The following ZFHX3 variants were observed in gnomAD, a reference collection of about 807,000 sequenced individuals.
ZFHX3 encodes zinc finger homeobox 3.
Under a neutral mutation model 279.1 loss-of-function variants are expected in ZFHX3, and 42 were observed. That is an observed-to-expected ratio of 0.15 (90% CI 0.12 to 0.19). The LOEUF is 0.19. Ranked by LOEUF, ZFHX3 falls within the 10% of genes least tolerant of loss-of-function variation. The pLI, the probability that ZFHX3 is intolerant of heterozygous loss-of-function variation, is 1.00. For missense variants in ZFHX3, 4,981 were observed against 4,754.0 expected (o/e 1.05, Z -1.40); for synonymous variants, 2,293 against 1,957.8 (o/e 1.17, Z -4.52).
chr16:73,381,927 T>C (rs1024653833), intron 3 of ZFHX3, among the ~76,000 whole-genome samples: 1 of 152,232 alleles, frequency 6.6e-6, no homozygotes, highest in Non-Finnish European at 1.5e-5. Context: ...GTCTAAAATA[T>C]TATGGTCTCT....
chr16:73,108,982 G>C (rs1049690286), intron 7 of ZFHX3, among the ~76,000 whole-genome samples: 7 of 126,324 alleles, frequency 5.5e-5, no homozygotes, highest in Non-Finnish European at 1.2e-4. Flanking sequence ...CGGCTAACAA[G>C]CTGATAGGCA....
chr16:73,432,345 A>C (rs926323455), intron 3 of ZFHX3, among the ~76,000 whole-genome samples: 4 of 152,164 alleles, frequency 2.6e-5, no homozygotes, highest in African/African-American at 9.7e-5. Context: ...TGGAGTTAGC[A>C]TATAACTCCA....
At chr16:73,888,449 A>G (rs923240065) in intron 1 of ZFHX3, among the ~76,000 whole-genome samples, 3 of 152,238 alleles carry the variant, frequency 2.0e-5, no homozygotes, top group African/African-American at 7.2e-5. Flanking sequence ...AATAATAATA[A>G]AGATGGGTGT....
chr16:73,727,116 C>G (rs935252888), intron 1 of ZFHX3, among the ~76,000 whole-genome samples: 1 of 152,150 alleles, frequency 6.6e-6, no homozygotes, highest in Non-Finnish European at 1.5e-5. Flanking sequence ...AGTGGCAGAG[C>G]TGGAGGAAAA....
intron 1 of ZFHX3, among the ~76,000 whole-genome samples, chr16:72,979,316 A>C (rs1045540012): frequency 9.2e-5 from 14 of 152,184 alleles, no homozygotes; most frequent in African/African-American, 3.4e-4. Flanking sequence ...TTGCCTGCCA[A>C]ATATTGCTTT....
At chr16:72,856,801 C>T (rs974067269) in intron 4 of ZFHX3, among the ~76,000 whole-genome samples, 12 of 152,194 alleles carry the variant, frequency 7.9e-5, no homozygotes, top group African/African-American at 2.7e-4. Flanking sequence ...GTTGCAGGAA[C>T]AGCCTGGGCC....
chr16:72,825,030 G>A (rs2036899080), intron 5 of ZFHX3, among the ~76,000 whole-genome samples: 1 of 152,250 alleles, frequency 6.6e-6, no homozygotes, highest in African/African-American at 2.4e-5. Flanking sequence ...GCAAGGGCCT[G>A]TTCATGTGCT....
At chr16:72,976,099 C>T (rs1027211522) in intron 1 of ZFHX3, among the ~76,000 whole-genome samples, 2 of 152,142 alleles carry the variant, frequency 1.3e-5, no homozygotes, top group Non-Finnish European at 2.9e-5. Flanking sequence ...AGAGGGGAAG[C>T]GTATTTGTGC....
chr16:72,914,105 G>A (rs55852707), intron 3 of ZFHX3, among the ~76,000 whole-genome samples: 3,063 of 152,308 alleles, frequency 0.02, 46 homozygotes, highest in Middle Eastern at 0.058. Flanking sequence ...AGATCATGCT[G>A]TCTAGAGACC....
intron 3 of ZFHX3, among the ~76,000 whole-genome samples, chr16:73,454,403 C>T (rs566044246): frequency 1.3e-5 from 2 of 152,160 alleles, no homozygotes; most frequent in African/African-American, 2.4e-5. Flanking sequence ...AACCTGATGC[C>T]GATCCCAAAG....
intron 1 of ZFHX3, among the ~76,000 whole-genome samples, chr16:73,714,163 C>T (rs533576232): frequency 1.3e-5 from 2 of 152,282 alleles, no homozygotes; most frequent in East Asian, 1.9e-4. Flanking sequence ...GGGTGACCCA[C>T]ATCAGTAGGT....
At chr16:73,322,279 CT>C (rs35155886) in intron 3 of ZFHX3, among the ~76,000 whole-genome samples, 59,565 of 145,556 alleles carry the variant, frequency 0.41, 13,403 homozygotes, top group Non-Finnish European at 0.53. Flanking sequence ...ATCTTCATGG[CT>C]TTTTTTTTTT....
At position 73,293,157 on chromosome 16, in the gene ZFHX3, G is replaced by A. The variant is rs572688516; in HGVS notation, c.-1194+25083C>T. ...CAGGTTTGCGTGAGGAGATGGGGAT[G>A]GGGACAAGAATCACATCAGAGGCAG... is the stretch of plus-strand genomic sequence containing the variant. On this transcript the variant is annotated intron_variant, in intron 4 of 17. Transcript: ENST00000641206. 5.1e-4 allele frequency among the ~76,000 whole-genome samples: 78 copies of A among 152,308 alleles called. No homozygotes were observed. In the South Asian group the frequency reaches 0.016, roughly 32 times the overall value.
At chr16:72,867,566 G>A (rs1047595922) in intron 4 of ZFHX3, among the ~76,000 whole-genome samples, 3 of 152,196 alleles carry the variant, frequency 2.0e-5, no homozygotes. Flanking sequence ...CTACCCATGA[G>A]CAAACTCTTC....
intron 3 of ZFHX3, among the ~76,000 whole-genome samples, chr16:72,936,667 G>C (rs1371507306): frequency 1.3e-5 from 2 of 152,172 alleles, no homozygotes; most frequent in African/African-American, 4.8e-5. Context: ...GGGGCAAAGG[G>C]GAGAGGGTTG....
chr16:73,681,529 A>G (rs900335137), intron 1 of ZFHX3, among the ~76,000 whole-genome samples: 2 of 152,222 alleles, frequency 1.3e-5, no homozygotes, highest in Admixed American at 1.3e-4. Context: ...TCGAATAGTC[A>G]TGAGTCTAGA....
chr16:73,793,425 T>C (rs1959893613), intron 1 of ZFHX3, among the ~76,000 whole-genome samples: 1 of 152,238 alleles, frequency 6.6e-6, no homozygotes, highest in African/African-American at 2.4e-5. Flanking sequence ...GCAAACATCA[T>C]CATTTCCAGG....
At chr16:73,442,499 T>C (rs886930661) in intron 3 of ZFHX3, among the ~76,000 whole-genome samples, 4 of 152,136 alleles carry the variant, frequency 2.6e-5, no homozygotes, top group Non-Finnish European at 5.9e-5. Flanking sequence ...GAACAATATC[T>C]TTAGTATCTT....
chr16:72,902,478 G>A (rs1278137529), intron 3 of ZFHX3, among the ~76,000 whole-genome samples: 1 of 152,216 alleles, frequency 6.6e-6, no homozygotes, highest in South Asian at 2.1e-4. Context: ...CCCTTAATGA[G>A]GACATTAGTT....
Sources: allele counts gnomAD v4.1 joint callset (sites outside exome capture counted in the v4.1 genomes callset), GRCh38; gene constraint gnomAD v4.1.1; transcripts MANE v1.5; gene names NCBI Gene and HGNC (gene_info 2026-07-23, HGNC 2026-07-21).